SAMMSON: variants seen among roughly 807,000 people sequenced by gnomAD.
The protein encoded by SAMMSON is long intergenic non-protein coding RNA 1212.
At chr3:70,214,255 C>A (rs573388635) in intron 4 of SAMMSON, among the ~76,000 whole-genome samples, 1 of 152,050 alleles carries the variant, frequency 6.6e-6, no homozygotes, top group Non-Finnish European at 1.5e-5. Flanking sequence ...GGTTGGAAGA[C>A]GTCCTTTAAA....
chr3:70,390,313 A>G (rs1456517774), downstream of SAMMSON, among the ~76,000 whole-genome samples: 1 of 152,128 alleles, frequency 6.6e-6, no homozygotes, highest in Non-Finnish European at 1.5e-5. Flanking sequence ...TTGGTAGAAA[A>G]TATCAAAATT....
intron 4 of SAMMSON, among the ~76,000 whole-genome samples, chr3:70,237,627 A>G (rs1488404842): frequency 3.9e-5 from 6 of 152,236 alleles, no homozygotes; most frequent in Admixed American, 3.9e-4. Context: ...TCCTACATAT[A>G]GTAAACTTGG....
intron 2 of SAMMSON, among the ~76,000 whole-genome samples, chr3:70,417,212 A>G (rs1701271040): frequency 1.3e-5 from 2 of 152,154 alleles, no homozygotes; most frequent in Non-Finnish European, 2.9e-5. Context: ...ACCAATGTCA[A>G]TCATCATTAG....
chr3:70,210,754 C>A (rs893028148), intron 4 of SAMMSON, among the ~76,000 whole-genome samples: 1 of 148,960 alleles, frequency 6.7e-6, no homozygotes, highest in Non-Finnish European at 1.5e-5. Context: ...AAAATTAGGA[C>A]AAAAAATAGA....
intron 4 of SAMMSON, among the ~76,000 whole-genome samples, chr3:70,179,657 T>C (rs142834349): frequency 1.7e-4 from 26 of 152,332 alleles, no homozygotes; most frequent in African/African-American, 5.3e-4. Flanking sequence ...ACACTTTCCT[T>C]CTAAGCAAGT....
chr3:70,276,540 A>G (rs1330101158), intron 6 of SAMMSON, among the ~76,000 whole-genome samples: 1 of 152,184 alleles, frequency 6.6e-6, no homozygotes, highest in Non-Finnish European at 1.5e-5. Context: ...TTATTTAGTA[A>G]ATATTTATCA....
At chr3:70,108,884 G>A (rs1300292528) in intron 4 of SAMMSON, among the ~76,000 whole-genome samples, 1 of 152,092 alleles carries the variant, frequency 6.6e-6, no homozygotes, top group Non-Finnish European at 1.5e-5. Context: ...CTGGCTATGG[G>A]TGTTTGTTAT....
chr3:70,290,168 GT>G (rs1474133719), intron 6 of SAMMSON, among the ~76,000 whole-genome samples: 3 of 152,124 alleles, frequency 2.0e-5, no homozygotes, highest in South Asian at 4.1e-4. Context: ...TTTCTGTTCT[GT>G]TTTTTCCCCA....
chr3:70,039,239 C>T (rs1025372364), intron 3 of SAMMSON, among the ~76,000 whole-genome samples: 1 of 152,086 alleles, frequency 6.6e-6, no homozygotes, highest in African/African-American at 2.4e-5. Flanking sequence ...AATTTAAAAT[C>T]GTCCAAAAGC....
chr3:70,110,716 G>A (rs1476403389), intron 4 of SAMMSON, among the ~76,000 whole-genome samples: 2 of 152,156 alleles, frequency 1.3e-5, no homozygotes, highest in East Asian at 1.9e-4. Context: ...TCAGGTTAGT[G>A]AAAATATGGC....
chr3:70,425,310 C>G (rs571794302), intron 2 of SAMMSON: 4 of 152,154 alleles, frequency 2.6e-5, no homozygotes, highest in African/African-American at 9.7e-5. Flanking sequence ...AGAAATTGAA[C>G]GAAGAAACTC....
At chr3:70,370,326 C>A (rs969262896) in intron 9 of SAMMSON, among the ~76,000 whole-genome samples, 2 of 151,718 alleles carry the variant, frequency 1.3e-5, no homozygotes, top group Non-Finnish European at 3.0e-5. Context: ...TGGATGAATA[C>A]CCGGTGGGAT....
chr3:70,247,576 CTCAAT>C (rs1701719300), intron 4 of SAMMSON, among the ~76,000 whole-genome samples: 1 of 151,768 alleles, frequency 6.6e-6, no homozygotes, highest in Admixed American at 6.6e-5. Context: ...AATGCCACAA[CTCAAT>C]TCTATTAGAA....
At chr3:70,387,884 T>C (rs1000968573) in intron 9 of SAMMSON, among the ~76,000 whole-genome samples, 22 of 152,272 alleles carry the variant, frequency 1.4e-4, no homozygotes, top group Middle Eastern at 6.8e-3. Flanking sequence ...GAAATTTTAC[T>C]GTAGAACATG....
At chr3:70,189,660 G>T (rs775551509) in intron 4 of SAMMSON, among the ~76,000 whole-genome samples, 1 of 152,158 alleles carries the variant, frequency 6.6e-6, no homozygotes, top group Non-Finnish European at 1.5e-5. Context: ...CCTACCTAGG[G>T]TAATCAAGAA....
chr3:70,259,221 T>A (rs891299820), intron 6 of SAMMSON, among the ~76,000 whole-genome samples: 1 of 152,140 alleles, frequency 6.6e-6, no homozygotes, highest in East Asian at 1.9e-4. Context: ...CTATTCATAG[T>A]CTATGCTAAA....
At chr3:70,110,619 G>A (rs2106660534) in intron 4 of SAMMSON, among the ~76,000 whole-genome samples, 2 of 152,188 alleles carry the variant, frequency 1.3e-5, no homozygotes, top group Admixed American at 1.3e-4. Flanking sequence ...ATACCTCTCA[G>A]GTTTAGATAC....
Position 70,135,969 on chromosome 3 carries a change from G to T in SAMMSON, n.507+64404G>T, listed in dbSNP as rs182950479. On this transcript the variant is annotated intron_variant and non_coding_transcript_variant, in intron 4 of 9. Coordinates refer to ENST00000642114, the Ensembl canonical transcript of SAMMSON. ...GTTTTTTTTTTTGCACTGATTTGTCGGTTGTTATAGTTAAGTTGTAGTTTA... is the reference window on the plus strand; with the variant it reads ...GTTTTTTTTTTTGCACTGATTTGTCTGTTGTTATAGTTAAGTTGTAGTTTA... Among the ~76,000 whole-genome samples the T allele has an allele frequency of 3.8e-4, 55 of 146,020 alleles. No homozygotes were observed. In the East Asian group the frequency reaches 9.6e-3, roughly 25 times the overall value.
chr3:70,114,103 G>A (rs146478685), intron 4 of SAMMSON, among the ~76,000 whole-genome samples: 26 of 152,340 alleles, frequency 1.7e-4, no homozygotes, highest in African/African-American at 5.3e-4. Context: ...CAAATTGGAG[G>A]CACCGATTCA....
Sources: allele counts gnomAD v4.1 joint callset (sites outside exome capture counted in the v4.1 genomes callset), GRCh38; gene constraint gnomAD v4.1.1; transcripts MANE v1.5; gene names NCBI Gene and HGNC (gene_info 2026-07-23, HGNC 2026-07-21).